The following MOB3B variants were observed in gnomAD, a reference collection of about 807,000 sequenced individuals.
The protein encoded by MOB3B is MOB kinase activator-like 2B.
A neutral mutation model predicts 18.7 loss-of-function variants in MOB3B; 7 were observed. That is an observed-to-expected ratio of 0.37 (90% CI 0.21 to 0.70). The LOEUF is 0.70. Ranked by LOEUF, MOB3B falls within the 30% of genes least tolerant of loss-of-function variation. MOB3B has a pLI of 0.52. For missense variants in MOB3B, 253 were observed against 281.3 expected (o/e 0.90, Z 0.72); for synonymous variants, 111 against 99.9 (o/e 1.11, Z -0.66).
intron 2 of MOB3B, among the ~76,000 whole-genome samples, chr9:27,364,989 T>C (rs1210993614): frequency 6.6e-6 from 1 of 152,128 alleles, no homozygotes; most frequent in East Asian, 1.9e-4. Flanking sequence ...ACTTATGTCT[T>C]ATATTGCTGT....
At chr9:27,387,235 G>C (rs905944783) in intron 2 of MOB3B, among the ~76,000 whole-genome samples, 7 of 152,076 alleles carry the variant, frequency 4.6e-5, no homozygotes, top group African/African-American at 1.7e-4. Context: ...AAATTCTGTG[G>C]GGATTTTCTA....
chr9:27,433,109 T>A (rs561752539), intron 2 of MOB3B, among the ~76,000 whole-genome samples: 25 of 152,264 alleles, frequency 1.6e-4, no homozygotes, highest in African/African-American at 5.8e-4. Context: ...TGACTTTTTT[T>A]ATTCAAATAT....
At chr9:27,377,595 G>A (rs1201147133) in intron 2 of MOB3B, among the ~76,000 whole-genome samples, 1 of 152,162 alleles carries the variant, frequency 6.6e-6, no homozygotes, top group Non-Finnish European at 1.5e-5. Flanking sequence ...CAGTGAGTCT[G>A]GGGAGGGGTC....
intron 2 of MOB3B, among the ~76,000 whole-genome samples, chr9:27,398,916 T>G (rs1443658939): frequency 1.3e-5 from 2 of 151,992 alleles, no homozygotes; most frequent in African/African-American, 2.4e-5. Context: ...AGGCTGAAAC[T>G]ATATGCAATT....
rs965449907 is a variant in MOB3B, at chr9:27,516,868, T to C, written c.-199+12687A>G. On this transcript the variant is annotated intron_variant, in intron 1 of 3. Coordinates refer to ENST00000262244, the MANE Select transcript of MOB3B (RefSeq NM_024761.5). ...AGTCTTCTGCTCTTGTCTAGGCCCA[T>C]ATATCCAACTGCTGGATAGACATCT... is the stretch of plus-strand genomic sequence containing the variant. 6.6e-5 allele frequency among the ~76,000 whole-genome samples: 10 copies of C among 152,196 alleles called. No individual in the cohort carries two copies. The East Asian group carries it at 1.3e-3, about 20-fold the overall frequency.
At chr9:27,422,609 G>T (rs1822271636) in intron 2 of MOB3B, among the ~76,000 whole-genome samples, 1 of 152,150 alleles carries the variant, frequency 6.6e-6, no homozygotes, top group African/African-American at 2.4e-5. Context: ...CAATTTGAGG[G>T]GAGTGATGCA....
intron 3 of MOB3B, 75 bp from the exon 4 acceptor site, chr9:27,330,691 T>C: frequency 2.5e-6 from 4 of 1,600,416 alleles, no homozygotes; most frequent in South Asian, 1.1e-5. Context: ...ATCCTGAAAA[T>C]GCTCTTGGAA....
intron 2 of MOB3B, among the ~76,000 whole-genome samples, chr9:27,418,325 A>T (rs1032158268): frequency 1.3e-5 from 2 of 152,056 alleles, no homozygotes; most frequent in African/African-American, 4.8e-5. Context: ...ACCCTCCCTA[A>T]TTCACTCTAT....
At chr9:27,358,025 T>C (rs1045549150) in intron 3 of MOB3B, among the ~76,000 whole-genome samples, 4 of 151,310 alleles carry the variant, frequency 2.6e-5, no homozygotes, top group African/African-American at 7.3e-5. Flanking sequence ...GATCTTGCCA[T>C]TGCACTCCAG....
chr9:27,506,560 C>G (rs1376444591), intron 1 of MOB3B, among the ~76,000 whole-genome samples: 3 of 148,666 alleles, frequency 2.0e-5, no homozygotes, highest in Non-Finnish European at 4.4e-5. Flanking sequence ...GAGACGGAGT[C>G]TCACTCTGTC....
intron 1 of MOB3B, among the ~76,000 whole-genome samples, chr9:27,458,160 T>C (rs1819216818): frequency 6.6e-6 from 1 of 152,186 alleles, no homozygotes; most frequent in Non-Finnish European, 1.5e-5. Context: ...ATTAATCTGA[T>C]AATGAGGGTA....
chr9:27,401,479 A>G (rs1402106135), intron 2 of MOB3B, among the ~76,000 whole-genome samples: 1 of 152,196 alleles, frequency 6.6e-6, no homozygotes, highest in Non-Finnish European at 1.5e-5. Flanking sequence ...GGGATCACAC[A>G]GACAAAGGCA....
At chr9:27,397,281 T>C (rs1322264681) in intron 2 of MOB3B, 2 of 151,726 alleles carry the variant, frequency 1.3e-5, no homozygotes, top group African/African-American at 4.8e-5. Context: ...ACTACGATTA[T>C]GAGTTTTACA....
At chr9:27,344,111 A>G (rs1820997424) in intron 3 of MOB3B, among the ~76,000 whole-genome samples, 1 of 152,190 alleles carries the variant, frequency 6.6e-6, no homozygotes, top group Admixed American at 6.5e-5. Context: ...GAAAGGAAAA[A>G]AAAAACATAG....
chr9:27,353,372 C>G (rs928326441), intron 3 of MOB3B, among the ~76,000 whole-genome samples: 8 of 152,106 alleles, frequency 5.3e-5, no homozygotes, highest in African/African-American at 1.9e-4. Flanking sequence ...TTTAGTGTAT[C>G]TGGGGTGAGG....
At chr9:27,521,124 G>C (rs559363962) in intron 1 of MOB3B, among the ~76,000 whole-genome samples, 25 of 152,256 alleles carry the variant, frequency 1.6e-4, no homozygotes, top group Non-Finnish European at 3.2e-4. Context: ...AAAACACTCA[G>C]AACATGCCTG....
chr9:27,408,097 A>G (rs894030909), intron 2 of MOB3B, among the ~76,000 whole-genome samples: 2 of 152,140 alleles, frequency 1.3e-5, no homozygotes, highest in African/African-American at 4.8e-5. Flanking sequence ...TCTCTGGCCG[A>G]GGCTGACACA....
chr9:27,517,475 C>G (rs145604802), intron 1 of MOB3B, among the ~76,000 whole-genome samples: 1,964 of 151,936 alleles, frequency 0.013, 49 homozygotes, highest in African/African-American at 0.045. Context: ...TGGTGAAACC[C>G]AGTCTCTACT....
intron 1 of MOB3B, among the ~76,000 whole-genome samples, chr9:27,496,577 T>C (rs915148903): frequency 6.6e-6 from 1 of 152,194 alleles, no homozygotes; most frequent in African/African-American, 2.4e-5. Flanking sequence ...TTAACCGTGG[T>C]TCATCTCAAT....
Sources: allele counts gnomAD v4.1 joint callset (sites outside exome capture counted in the v4.1 genomes callset), GRCh38; gene constraint gnomAD v4.1.1; transcripts MANE v1.5; gene names NCBI Gene and HGNC (gene_info 2026-07-23, HGNC 2026-07-21).